The following KNTC1 variants were observed in gnomAD, a reference collection of about 807,000 sequenced individuals.
KNTC1 encodes the protein kinetochore-associated protein 1.
A neutral mutation model predicts 314.4 loss-of-function variants in KNTC1; 253 were observed. The ratio of observed to expected loss-of-function variants is 0.80; its 90% CI spans 0.73 to 0.89. The LOEUF is 0.89. Among genes scored for constraint, KNTC1 ranks in the 40% least tolerant of loss-of-function variants. The pLI is 0.00. For missense variants in KNTC1, 2,475 were observed against 2,572.9 expected, an observed-to-expected ratio of 0.96 and a Z score of 0.82; for synonymous variants, 901 against 901.4, an observed-to-expected ratio of 1.00 and a Z score of 0.01.
At position 122,580,619 on chromosome 12, in the gene KNTC1, G is replaced by C; in HGVS notation, c.2931G>C (p.Lys977Asn). 1 of 1,567,330 alleles carries C rather than the reference G, an allele frequency of 6.4e-7. No individual in the cohort carries two copies. The highest frequency in any genetic ancestry group is 8.7e-7 in the Non-Finnish European group (1 of 1,153,586). ...CDIQKDNLQK[K>N]DECEEMLKLF... ...TAATTACAGACAATCTGCAGAAGAA[G>C]GACGAATGTGAAGAAATGTTGAAAC... is the stretch of plus-strand genomic sequence containing the variant. The change falls in exon 33 of 64, where the codon AAG (lysine) becomes AAC (asparagine). Residue 977 changes from lysine (K) to asparagine (N), a missense_variant. Lys to Asn is a moderately conservative substitution (Grantham distance 94). Coordinates refer to ENST00000333479, the MANE Select transcript of KNTC1 (RefSeq NM_014708.6).
chr12:122,585,957 A>G (rs1439653230), intron 37 of KNTC1, among the ~76,000 whole-genome samples, 183 bp downstream of exon 37: 2 of 152,242 alleles, frequency 1.3e-5, no homozygotes, highest in Non-Finnish European at 2.9e-5. Flanking sequence ...AAGTACAAAC[A>G]CAGGCTAGGA....
intron 16 of KNTC1, among the ~76,000 whole-genome samples, chr12:122,556,020 T>A (rs951919039): frequency 6.8e-6 from 1 of 148,002 alleles, no homozygotes; most frequent in African/African-American, 2.5e-5. Flanking sequence ...CTTTTAGCAA[T>A]TTTTTTTTTT....
At chr12:122,585,573 A>C (rs907648580) in intron 36 of KNTC1, 63 bp from the exon 37 acceptor site, 1 of 1,557,954 alleles carries the variant, frequency 6.4e-7, no homozygotes, top group African/African-American at 1.4e-5. Flanking sequence ...GCCATAGACC[A>C]GAAGAAACAA....
chr12:122,544,751 A>G (rs1962633396), intron 8 of KNTC1, among the ~76,000 whole-genome samples: 1 of 152,186 alleles, frequency 6.6e-6, no homozygotes, highest in South Asian at 2.1e-4. Flanking sequence ...CTACATTCAT[A>G]AGTGAAAGAA....
rs764584293 is a variant in KNTC1 at position 122,610,899 on chromosome 12, C to T, written c.5621C>T (p.Thr1874Ile). 6.2e-7 allele frequency: 1 copy of T among 1,606,316 alleles called. No individual in the cohort carries two copies. The highest frequency in any genetic ancestry group is 8.5e-7 in the Non-Finnish European group (1 of 1,173,048). ...MLFVFATSTT[T>I]TLGMHQLTFA... ...TTTGTATTTGCAACATCAACTACAA[C>T]CGTAAGCTCTAGAAACTTAATCCAA... Residue 1874 changes from threonine to isoleucine, a missense_variant and splice_region_variant, in exon 53 of 64, where the codon ACC becomes ATC. Coordinates refer to ENST00000333479, the MANE Select transcript of KNTC1 (RefSeq NM_014708.6).
At chr12:122,554,432 TAATTAATGG>T in intron 16 of KNTC1, among the ~76,000 whole-genome samples, 1 of 152,122 alleles carries the variant, frequency 6.6e-6, no homozygotes, top group Non-Finnish European at 1.5e-5. Flanking sequence ...AGAGACAAAG[TAATTAATGG>T]AATTAGTACT....
intron 8 of KNTC1, among the ~76,000 whole-genome samples, chr12:122,545,397 G>A (rs1962680864): frequency 6.6e-6 from 1 of 151,698 alleles, no homozygotes; most frequent in Non-Finnish European, 1.5e-5. Context: ...TGGCAACACA[G>A]TGAGATCCTG....
intron 16 of KNTC1, among the ~76,000 whole-genome samples, chr12:122,556,762 C>G (rs1350920385): frequency 6.6e-6 from 1 of 151,962 alleles, no homozygotes; most frequent in African/African-American, 2.4e-5. Flanking sequence ...CGTGCCCGAC[C>G]TCTACTCTCT....
chr12:122,549,398 G>A (rs541810254), intron 12 of KNTC1, among the ~76,000 whole-genome samples: 9 of 149,588 alleles, frequency 6.0e-5, no homozygotes, highest in Admixed American at 4.7e-4. Context: ...TGCCCAGGCC[G>A]GAGTGCAGTG....
chr12:122,579,992 T>C lies in KNTC1; in HGVS notation c.2914+15T>C, dbSNP rs1965298012. On this transcript the variant is annotated intron_variant, in intron 32 of 63. Transcript: ENST00000333479. ...CATTCAGAAAGGTAGCTTTTACTTCTGTTTTCTCATCTCAGTTTTGTTCCA... is the reference window on the plus strand; with the variant it reads ...CATTCAGAAAGGTAGCTTTTACTTCCGTTTTCTCATCTCAGTTTTGTTCCA... 6.4e-7 allele frequency: 1 copy of C among 1,553,502 alleles called. No individual in the cohort carries two copies. Among genetic ancestry groups the C allele is most frequent in the South Asian group, 1.1e-5 (1 of 89,312 alleles).
Position 122,551,472 on chromosome 12 carries a change from C to T in KNTC1, c.1145C>T (p.Ser382Leu). The part of the protein sequence containing the change: ...CKNDPKLSED[S>L]VSVLVLRCLT... ...ATTTTTTCTAGATTGTCTGAAGACTCAGTCTCTGTGTTAGTACTCAGATGT... is the reference window on the plus strand; with the variant it reads ...ATTTTTTCTAGATTGTCTGAAGACTTAGTCTCTGTGTTAGTACTCAGATGT... The change falls in exon 15 of 64, where the codon TCA (serine) becomes TTA (leucine). Residue 382 changes from serine to leucine, a missense_variant. Transcript: ENST00000333479. 6.3e-7 allele frequency: 1 copy of T among 1,589,130 alleles called. No individual in the cohort carries two copies. The highest frequency in any genetic ancestry group is 8.6e-7 in the Non-Finnish European group (1 of 1,166,148).
intron 27 of KNTC1, among the ~76,000 whole-genome samples, chr12:122,574,771 A>AGG (rs1964910235): frequency 6.6e-6 from 1 of 152,166 alleles, no homozygotes; most frequent in Non-Finnish European, 1.5e-5. Context: ...TTCCACCCCC[A>AGG]GGGGAACCTC....
intron 40 of KNTC1, among the ~76,000 whole-genome samples, chr12:122,590,388 T>C (rs749816899): frequency 4.6e-5 from 7 of 152,206 alleles, no homozygotes; most frequent in Non-Finnish European, 1.0e-4. Flanking sequence ...ACTATGTTAC[T>C]ATAACTTTTC....
At chr12:122,585,080 C>T in intron 36 of KNTC1, 90 bp downstream of exon 36, 1 of 733,124 alleles carries the variant, frequency 1.4e-6, no homozygotes, top group Non-Finnish European at 2.4e-6. Flanking sequence ...TTCTGTCACC[C>T]AGGCTGGAGT....
intron 8 of KNTC1, among the ~76,000 whole-genome samples, chr12:122,544,743 A>G (rs142587063): frequency 2.0e-5 from 3 of 152,334 alleles, no homozygotes; most frequent in African/African-American, 4.8e-5. Flanking sequence ...TTTGTGGCCT[A>G]CATTCATAAG....
rs563862825 is a variant in KNTC1, at chr12:122,615,172, T to C, written c.5973+86T>C. ...AAACATTTTGGATTGATACTTGTTA[T>C]GGAACAGATTTATGCTGAAAACACA... On this transcript the variant is annotated intron_variant, in intron 56 of 63. Coordinates refer to ENST00000333479, the MANE Select transcript of KNTC1 (RefSeq NM_014708.6). 3.2e-5 allele frequency: 31 copies of C among 982,504 alleles called. No individual in the cohort carries two copies. In the African/African-American group the frequency reaches 4.1e-4, roughly 13 times the overall value. 60.9% of individuals were successfully genotyped at this position (982,504 alleles called of 1,614,324 possible). A position where few individuals can be genotyped will look rare whatever the true frequency, so the allele number is the denominator to read the frequency against.
At chr12:122,617,025 C>T (rs934632517) in intron 57 of KNTC1, among the ~76,000 whole-genome samples, 19 of 152,182 alleles carry the variant, frequency 1.2e-4, no homozygotes, top group African/African-American at 4.1e-4. Context: ...ACTCAGCATC[C>T]ACATTGTAGC....
intron 32 of KNTC1, 44 bp downstream of exon 32, chr12:122,580,021 C>A: frequency 7.5e-7 from 1 of 1,324,798 alleles, no homozygotes; most frequent in Non-Finnish European, 1.1e-6. Flanking sequence ...TGTTCCAAAG[C>A]TCACCCTCTT....
At chr12:122,624,720 C>T in intron 63 of KNTC1, 32 bp downstream of exon 63, 2 of 1,484,190 alleles carry the variant, frequency 1.3e-6, no homozygotes, top group Non-Finnish European at 1.9e-6. Context: ...TAGGTTCTAA[C>T]TTGACATTGT....
Sources: gnomAD v4.1 joint callset for allele counts (sites outside exome capture counted in the v4.1 genomes callset) on GRCh38, gnomAD v4.1.1 for gene constraint, MANE v1.5 for transcripts, NCBI Gene and HGNC (gene_info 2026-07-23, HGNC 2026-07-21) for gene names.